Variants in SHOC2 observed in about 807,000 individuals in gnomAD.
The protein encoded by SHOC2 is leucine-rich repeat protein SHOC-2.
A neutral mutation model predicts 50.2 loss-of-function variants in SHOC2; 4 were observed. That is an observed-to-expected ratio of 0.08 (90% CI 0.04 to 0.18). The LOEUF (loss-of-function observed/expected upper bound fraction) is 0.18, where lower values mean the gene tolerates loss of function less well. SHOC2 is among the 10% of genes least tolerant of loss of function. The pLI is 1.00. For missense variants in SHOC2, 388 were observed against 669.6 expected, an observed-to-expected ratio of 0.58 and a Z score of 4.64; for synonymous variants, 218 against 244.5, an observed-to-expected ratio of 0.89 and a Z score of 1.01.
intron 1 of SHOC2, among the ~76,000 whole-genome samples, chr10:110,957,794 T>C (rs1175892352): frequency 1.3e-5 from 2 of 152,190 alleles, no homozygotes; most frequent in East Asian, 3.9e-4. Flanking sequence ...ATATCAAAAT[T>C]TATCAGACTC....
intron 1 of SHOC2, among the ~76,000 whole-genome samples, chr10:110,961,088 C>T (rs1167196740): frequency 1.3e-5 from 2 of 152,066 alleles, no homozygotes; most frequent in African/African-American, 2.4e-5. Context: ...ATAAAAGAGT[C>T]CTCTGGGGTA....
intron 5 of SHOC2, among the ~76,000 whole-genome samples, chr10:111,006,349 T>C (rs898805506): frequency 6.6e-6 from 1 of 152,218 alleles, no homozygotes; most frequent in African/African-American, 2.4e-5. Flanking sequence ...AGACAATCCA[T>C]GTGCAATGCA....
chr10:110,984,258 G>A (rs930539762), intron 2 of SHOC2, among the ~76,000 whole-genome samples: 1 of 152,126 alleles, frequency 6.6e-6, no homozygotes, highest in Non-Finnish European at 1.5e-5. Context: ...CTGATGTTGA[G>A]CGTCTTTTCA....
intron 3 of SHOC2, among the ~76,000 whole-genome samples, chr10:110,990,462 A>C (rs1177804406): frequency 1.3e-5 from 2 of 152,174 alleles, no homozygotes; most frequent in Admixed American, 1.3e-4. Context: ...CTCTGTATCT[A>C]GCTGCTCTGG....
chr10:110,946,288 A>T (rs1847245066), intron 1 of SHOC2, among the ~76,000 whole-genome samples: 1 of 151,018 alleles, frequency 6.6e-6, no homozygotes, highest in Non-Finnish European at 1.5e-5. Context: ...TTAAAGAAGA[A>T]ATTTATTCTA....
At chr10:111,004,477 G>T in intron 4 of SHOC2, 129 bp from the exon 5 acceptor site, 2 of 695,052 alleles carry the variant, frequency 2.9e-6, no homozygotes, top group Non-Finnish European at 5.1e-6. Context: ...GTCACAGACT[G>T]CCCCAACCAG....
chr10:110,925,997 A>T (rs1846763593), intron 1 of SHOC2, among the ~76,000 whole-genome samples: 1 of 152,192 alleles, frequency 6.6e-6, no homozygotes, highest in Non-Finnish European at 1.5e-5. Flanking sequence ...ACTTATAGGA[A>T]ACTAAAACTA....
At chr10:110,951,022 C>T (rs530015198) in intron 1 of SHOC2, among the ~76,000 whole-genome samples, 11 of 152,096 alleles carry the variant, frequency 7.2e-5, no homozygotes, top group Admixed American at 4.6e-4. Context: ...GGAATAAAAG[C>T]GAAAATAGAG....
At chr10:110,989,071 A>G (rs1848134019) in intron 3 of SHOC2, 11 of 490,536 alleles carry the variant, frequency 2.2e-5, no homozygotes, top group South Asian at 1.5e-4. Flanking sequence ...ATTGACTTCT[A>G]ATTTACCTCC....
chr10:110,997,034 CTT>C (rs1340699325), intron 3 of SHOC2, among the ~76,000 whole-genome samples: 1 of 152,094 alleles, frequency 6.6e-6, no homozygotes, highest in African/African-American at 2.4e-5. Flanking sequence ...TTATTTTGTT[CTT>C]TATTTGGCAA....
At chr10:111,000,021 T>C (rs1408280478) in intron 3 of SHOC2, among the ~76,000 whole-genome samples, 1 of 152,202 alleles carries the variant, frequency 6.6e-6, no homozygotes, top group Non-Finnish European at 1.5e-5. Flanking sequence ...TACATACTTA[T>C]ATATAACCAC....
At chr10:110,919,992 G>C (rs1374182911) in intron 1 of SHOC2, 2 of 148,110 alleles carry the variant, frequency 1.4e-5, no homozygotes, top group Admixed American at 1.3e-4. Context: ...GACAGCGCCT[G>C]GGCGACGGCG....
intron 1 of SHOC2, among the ~76,000 whole-genome samples, chr10:110,944,524 T>G (rs1259007431): frequency 2.0e-4 from 31 of 152,228 alleles, no homozygotes; most frequent in Admixed American, 2.0e-3. Flanking sequence ...TATAATTTTT[T>G]GTTGAAAATT....
chr10:110,986,564 C>G (rs1273502917), intron 3 of SHOC2, among the ~76,000 whole-genome samples: 1 of 152,124 alleles, frequency 6.6e-6, no homozygotes, highest in African/African-American at 2.4e-5. Flanking sequence ...GCCTCCGCCT[C>G]CTGGGTTCAT....
chr10:110,996,355 C>CT (rs1262138294), intron 3 of SHOC2, among the ~76,000 whole-genome samples: 5 of 152,018 alleles, frequency 3.3e-5, no homozygotes, highest in African/African-American at 7.2e-5. Flanking sequence ...TGGCGAAACT[C>CT]TATCTCTACA....
chr10:110,924,841 G>A lies in SHOC2; in HGVS notation c.-235+5184G>A, dbSNP rs138635621. ...TCCCTGCACTTTGAGAAGCTGAGGC[G>A]GGCAGATCGCTTGAGGTCAGGAGTT... On this transcript the variant is annotated intron_variant, in intron 1 of 8. Coordinates refer to ENST00000369452, the MANE Select transcript of SHOC2 (RefSeq NM_007373.4). Among the ~76,000 whole-genome samples, 992 of 151,980 alleles carry A rather than the reference G, an allele frequency of 6.5e-3. 9 individuals are homozygous for A. The highest frequency in any genetic ancestry group is 0.023 in the African/African-American group (950 of 41,460).
In SHOC2 at chr10:111,013,204, T is replaced by C. The variant is rs1482963417; in HGVS notation, c.*1386T>C. 6.6e-6 allele frequency: 1 copy of C among 152,224 alleles called. No homozygotes were observed. The highest frequency in any genetic ancestry group is 1.5e-5 in the Non-Finnish European group (1 of 68,022). 9.4% of individuals were successfully genotyped at this position (152,224 alleles called of 1,614,324 possible). Reference sequence around the variant, plus strand: ...TTGTTGGTCTAAGTCAATTTGATTATTGAGGAGTCTCAGAGCAAGGTGCGT... The same window carrying C: ...TTGTTGGTCTAAGTCAATTTGATTACTGAGGAGTCTCAGAGCAAGGTGCGT... On this transcript the variant is annotated 3_prime_UTR_variant, in exon 9 of 9. Coordinates refer to ENST00000369452, the MANE Select transcript of SHOC2 (RefSeq NM_007373.4).
intron 1 of SHOC2, among the ~76,000 whole-genome samples, chr10:110,923,412 T>G (rs923683779): frequency 6.6e-6 from 1 of 152,116 alleles, no homozygotes; most frequent in East Asian, 1.9e-4. Context: ...TGTTTGGTAT[T>G]TTCCCCCGGG....
chr10:110,959,554 A>G (rs7917192), intron 1 of SHOC2, among the ~76,000 whole-genome samples: 115,524 of 152,132 alleles, frequency 0.76, 44,141 homozygotes, highest in East Asian at 0.85. Flanking sequence ...TATCATGTTT[A>G]GCATGGACTG....
Sources: allele counts gnomAD v4.1 joint callset (sites outside exome capture counted in the v4.1 genomes callset), GRCh38; gene constraint gnomAD v4.1.1; transcripts MANE v1.5; gene names NCBI Gene and HGNC (gene_info 2026-07-23, HGNC 2026-07-21).